The following SLC35F4 variants were observed in gnomAD, a reference collection of about 807,000 sequenced individuals.
The protein encoded by SLC35F4 is solute carrier family 35 member F4.
SLC35F4 carries 24 observed loss-of-function variants against 44.2 expected under a neutral mutation model. The ratio of observed to expected loss-of-function variants is 0.54; its 90% CI spans 0.39 to 0.76. The LOEUF is 0.76. Ranked by LOEUF, SLC35F4 falls within the 30% of genes least tolerant of loss-of-function variation. The pLI is 0.00. For missense variants in SLC35F4, 562 were observed against 586.1 expected (o/e 0.96, Z 0.42); for synonymous variants, 238 against 223.6 (o/e 1.06, Z -0.57).
intron 1 of SLC35F4, among the ~76,000 whole-genome samples, chr14:57,663,413 A>T (rs10136153): frequency 0.022 from 3,343 of 152,252 alleles, 127 homozygotes; most frequent in African/African-American, 0.076. Flanking sequence ...GGGCCAGACA[A>T]GCACAGCACT....
chr14:57,899,631 C>A (rs1888956373), intron 1 of SLC35F4, among the ~76,000 whole-genome samples: 1 of 152,090 alleles, frequency 6.6e-6, no homozygotes, highest in African/African-American at 2.4e-5. Context: ...ACTAGCAAAC[C>A]CAAGGCTGAA....
chr14:57,935,395 C>A (rs928360998), intron 1 of SLC35F4, among the ~76,000 whole-genome samples: 7 of 152,046 alleles, frequency 4.6e-5, no homozygotes, highest in Non-Finnish European at 8.8e-5. Context: ...TGTGTTGGTG[C>A]CTAAAAAGGG....
At chr14:57,894,256 G>A (rs1321113065) in intron 1 of SLC35F4, among the ~76,000 whole-genome samples, 1 of 152,078 alleles carries the variant, frequency 6.6e-6, no homozygotes, top group Admixed American at 6.6e-5. Flanking sequence ...AGAGCCTTGA[G>A]ACAATTCATG....
Position 57,641,279 on chromosome 14 carries a change from T to C in SLC35F4, c.104-47155A>G, listed in dbSNP as rs112382218. On this transcript the variant is annotated intron_variant, in intron 1 of 7. Coordinates refer to ENST00000556826, the MANE Select transcript of SLC35F4 (RefSeq NM_001306087.2). Reference sequence around the variant, plus strand: ...TTAAATGAGCCTATGACAAACAACATTGTCTCTCAGTTTCACTGAAAATCT... The same window carrying C: ...TTAAATGAGCCTATGACAAACAACACTGTCTCTCAGTTTCACTGAAAATCT... Among the ~76,000 whole-genome samples the C allele has an allele frequency of 7.3e-3, 1,116 of 152,086 alleles. 21 individuals are homozygous for C. The highest frequency in any genetic ancestry group is 0.025 in the African/African-American group (1,032 of 41,522).
chr14:57,583,623 T>C (rs1594941477), intron 3 of SLC35F4, among the ~76,000 whole-genome samples: 1 of 152,190 alleles, frequency 6.6e-6, no homozygotes, highest in Non-Finnish European at 1.5e-5. Context: ...GACTGACAGG[T>C]GGAGACTGTT....
At chr14:57,870,856 A>G (rs1381957483), upstream of SLC35F4, among the ~76,000 whole-genome samples, 3 of 152,212 alleles carry the variant, frequency 2.0e-5, no homozygotes, top group Admixed American at 6.5e-5. Flanking sequence ...TAATTCTTTC[A>G]ACCATGGGTA....
chr14:57,678,868 T>A (rs2074793529), intron 1 of SLC35F4, among the ~76,000 whole-genome samples: 1 of 151,984 alleles, frequency 6.6e-6, no homozygotes, highest in Non-Finnish European at 1.5e-5. Context: ...GCACCCAGAT[T>A]CATAAAGCAA....
intron 1 of SLC35F4, among the ~76,000 whole-genome samples, chr14:57,939,557 T>C (rs1370157181): frequency 1.3e-5 from 2 of 152,134 alleles, no homozygotes; most frequent in Admixed American, 6.5e-5. Context: ...TCCCTGCATA[T>C]CCCTAAACAA....
At chr14:57,800,882 C>G (rs1258993908) in intron 1 of SLC35F4, among the ~76,000 whole-genome samples, 1 of 152,042 alleles carries the variant, frequency 6.6e-6, no homozygotes. Flanking sequence ...GGAGACTGAA[C>G]CTATGACTGA....
At chr14:57,806,124 A>G (rs1881289125) in intron 1 of SLC35F4, among the ~76,000 whole-genome samples, 1 of 152,146 alleles carries the variant, frequency 6.6e-6, no homozygotes, top group South Asian at 2.1e-4. Flanking sequence ...CCATTTTTGT[A>G]TGCCTCCTTT....
chr14:57,974,695 G>T (rs957659323), downstream of SLC35F4, among the ~76,000 whole-genome samples: 1 of 152,176 alleles, frequency 6.6e-6, no homozygotes, highest in Non-Finnish European at 1.5e-5. Flanking sequence ...TCATTTCACT[G>T]ATGGTGATAC....
chr14:57,656,291 G>GC (rs59465019), intron 1 of SLC35F4, among the ~76,000 whole-genome samples: 3 of 148,410 alleles, frequency 2.0e-5, no homozygotes, highest in Non-Finnish European at 4.5e-5. Context: ...GGAGCCAGAA[G>GC]CCCCCCCACA....
chr14:57,941,692 C>T (rs1162586714), intron 1 of SLC35F4, among the ~76,000 whole-genome samples: 3 of 151,726 alleles, frequency 2.0e-5, no homozygotes, highest in Admixed American at 1.3e-4. Flanking sequence ...TTATGTTAGG[C>T]TAATTTCAGC....
chr14:57,796,876 T>C (rs2078066251), intron 1 of SLC35F4, among the ~76,000 whole-genome samples: 1 of 152,188 alleles, frequency 6.6e-6, no homozygotes, highest in African/African-American at 2.4e-5. Context: ...TCAGTTTCAC[T>C]GGGAATCTCA....
At chr14:57,873,153 A>T (rs7140975) in intron 1 of SLC35F4, among the ~76,000 whole-genome samples, 29,936 of 152,140 alleles carry the variant, frequency 0.2, 6,639 homozygotes, top group African/African-American at 0.55. Flanking sequence ...TCTCCCCTGT[A>T]ATCCATAAAT....
chr14:57,840,684 A>C (rs1379718741), intron 1 of SLC35F4, among the ~76,000 whole-genome samples: 3 of 152,178 alleles, frequency 2.0e-5, no homozygotes, highest in Non-Finnish European at 4.4e-5. Flanking sequence ...AAACCTTATC[A>C]CTCATGATTG....
intron 1 of SLC35F4, among the ~76,000 whole-genome samples, chr14:57,737,034 T>G (rs1011402310): frequency 6.6e-6 from 1 of 152,088 alleles, no homozygotes; most frequent in African/African-American, 2.4e-5. Context: ...GCTTACTTAG[T>G]GTTTTTGCTA....
intron 1 of SLC35F4, among the ~76,000 whole-genome samples, chr14:57,935,681 G>A (rs1309640030): frequency 2.0e-5 from 3 of 152,258 alleles, no homozygotes; most frequent in African/African-American, 4.8e-5. Context: ...AAATTCAGAT[G>A]TTGTTCTATT....
intron 1 of SLC35F4, among the ~76,000 whole-genome samples, chr14:57,692,465 A>C (rs1196386698): frequency 2.6e-5 from 4 of 152,124 alleles, no homozygotes; most frequent in Non-Finnish European, 4.4e-5. Flanking sequence ...ATTGTTTGGA[A>C]AATCAGTCTT....
Sources: gnomAD v4.1 joint callset for allele counts (sites outside exome capture counted in the v4.1 genomes callset) on GRCh38, gnomAD v4.1.1 for gene constraint, MANE v1.5 for transcripts, NCBI Gene and HGNC (gene_info 2026-07-23, HGNC 2026-07-21) for gene names.